The following SQLE variants were observed in gnomAD, a reference collection of about 807,000 sequenced individuals.
SQLE encodes squalene monooxygenase.
In SQLE, 29 loss-of-function variants were observed where a neutral mutation model predicts 60.7. The ratio of observed to expected loss-of-function variants is 0.48; its 90% CI spans 0.36 to 0.65. The LOEUF is 0.65. SQLE is among the 30% of genes least tolerant of loss of function. SQLE has a pLI of 0.00. For synonymous variants in SQLE, 237 were observed against 246.8 expected, an observed-to-expected ratio of 0.96 and a Z score of 0.37; for missense variants, 605 against 684.1, an observed-to-expected ratio of 0.88 and a Z score of 1.29.
chr8:125,009,027 A>G lies in SQLE; in HGVS notation c.879A>G (p.Lys293=), dbSNP rs1163037537. ...ATGGGCTTTTCTCCAAGTTCAGGAA[A>G]AGCCTGGTCTCCAATAAAGTTTCTG... ...VADGLFSKFR[K]SLVSNKVSVS... is the part of the protein sequence containing the mutation. Residue 293 remains lysine, a synonymous_variant, in exon 5 of 11, where the codon AAA becomes AAG. Transcript: ENST00000265896. 1 of 1,602,768 alleles carries G rather than the reference A, an allele frequency of 6.2e-7. No homozygotes were observed. Among genetic ancestry groups the G allele is most frequent in the Admixed American group, 1.7e-5 (1 of 58,182 alleles).
At chr8:125,019,480 G>GGCT (rs1554588428) in intron 9 of SQLE, among the ~76,000 whole-genome samples, 1 of 151,496 alleles carries the variant, frequency 6.6e-6, no homozygotes, top group Non-Finnish European at 1.5e-5. Flanking sequence ...AGCTATTTGG[G>GGCT]ACTATATAGC....
chr8:125,019,578 A>G (rs1335394343), intron 9 of SQLE, among the ~76,000 whole-genome samples: 1 of 151,856 alleles, frequency 6.6e-6, no homozygotes, highest in Non-Finnish European at 1.5e-5. Context: ...CTTCTAAAAC[A>G]AACAAACAAA....
At chr8:125,000,236 A>G (rs561817273) in intron 1 of SQLE, among the ~76,000 whole-genome samples, 1 of 152,212 alleles carries the variant, frequency 6.6e-6, no homozygotes, top group African/African-American at 2.4e-5. Context: ...ATGTCCTAAC[A>G]TAAAGGCCAG....
At chr8:125,007,584 T>G in intron 4 of SQLE, 97 bp downstream of exon 4, 9 of 694,628 alleles carry the variant, frequency 1.3e-5, no homozygotes, top group Non-Finnish European at 1.9e-5. Flanking sequence ...GTTTACATGT[T>G]GAGTATCTCT....
rs769241614 is a variant in SQLE at position 125,005,511 on chromosome 8, C to T, written c.545-14C>T. On this transcript the variant is annotated splice_polypyrimidine_tract_variant and intron_variant, in intron 2 of 10. Transcript: ENST00000265896. ...TTAACAGAATTGATTGTTTTGAACT[C>T]GATTGCTTTGCAGATACAGTGGAAG... 8.4e-6 allele frequency: 13 copies of T among 1,554,656 alleles called. No individual in the cohort carries two copies. Among genetic ancestry groups the T allele is most frequent in the Non-Finnish European group, 1.1e-5 (13 of 1,143,092 alleles).
rs1234582255 is a variant in SQLE, at chr8:124,999,248, A to G, written c.-156A>G. On this transcript the variant is annotated 5_prime_UTR_variant, in exon 1 of 11. Coordinates refer to ENST00000265896, the MANE Select transcript of SQLE (RefSeq NM_003129.4). ...CACTAACTTTATATGATTTTTAAAA[A>G]CTGGTCTGATCGGACTTCTCGTCCT... The G allele has an allele frequency of 1.3e-5, 8 of 606,608 alleles. No individual in the cohort carries two copies. The highest frequency in any genetic ancestry group is 2.0e-5 in the Non-Finnish European group (8 of 409,832). The allele number at this position is 606,608 out of a possible 1,614,324, so 37.6% of individuals were successfully genotyped here. A position where few individuals can be genotyped will look rare whatever the true frequency, so the allele number is the denominator to read the frequency against.
intron 10 of SQLE, among the ~76,000 whole-genome samples, chr8:125,021,365 T>C (rs1815201190): frequency 6.6e-6 from 1 of 152,104 alleles, no homozygotes; most frequent in Admixed American, 6.6e-5. Flanking sequence ...TTAATACTGA[T>C]ATTTTTAAAA....
intron 3 of SQLE, 107 bp downstream of exon 3, chr8:125,005,812 T>A: frequency 1.1e-6 from 1 of 878,642 alleles, no homozygotes; most frequent in Non-Finnish European, 1.6e-6. Flanking sequence ...TGGGGCATAG[T>A]CTAGAACATA....
chr8:125,000,091 G>A (rs1430153400), intron 1 of SQLE: 1 of 461,256 alleles, frequency 2.2e-6, no homozygotes, highest in East Asian at 6.8e-5. Context: ...CTGCTTGTAA[G>A]AAGTGACAGC....
At chr8:125,000,965 A>G (rs948307396) in intron 1 of SQLE, among the ~76,000 whole-genome samples, 3 of 152,156 alleles carry the variant, frequency 2.0e-5, no homozygotes, top group Non-Finnish European at 4.4e-5. Flanking sequence ...TTAGACGGGA[A>G]TGGCACCACC....
intron 2 of SQLE, among the ~76,000 whole-genome samples, chr8:125,004,902 GATTCTGATGA>G (rs1169018643): frequency 6.6e-6 from 1 of 152,036 alleles, no homozygotes; most frequent in Non-Finnish European, 1.5e-5. Flanking sequence ...GTTTTTACAT[GATTCTGATGA>G]ATTCAGTGTT....
chr8:125,011,534 C>T lies in SQLE; in HGVS notation c.1109-3C>T, dbSNP rs1328800258. ...TTCTTTGGGTTGGTGGGATTTATTG[C>T]AGATCACCTGAAAGAACCATTCTTA... On this transcript the variant is annotated splice_polypyrimidine_tract_variant and splice_region_variant and intron_variant, in intron 6 of 10. Transcript: ENST00000265896. 7.0e-6 allele frequency: 11 copies of T among 1,572,946 alleles called. No homozygotes were observed. The highest frequency in any genetic ancestry group is 1.7e-4 in the Middle Eastern group (1 of 6,034).
At chr8:125,017,149 A>G (rs915849926) in intron 7 of SQLE, among the ~76,000 whole-genome samples, 3 of 152,004 alleles carry the variant, frequency 2.0e-5, no homozygotes, top group Admixed American at 2.0e-4. Context: ...CTCAAGACTC[A>G]AGAGCTCTAC....
chr8:125,021,679 T>G, intron 10 of SQLE, 74 bp from the exon 11 acceptor site: 1 of 1,080,788 alleles, frequency 9.3e-7, no homozygotes, highest in Non-Finnish European at 1.3e-6. Context: ...GCTTCGTAGA[T>G]TATATGTAAT....
Position 125,021,958 on chromosome 8 carries a change from AC to A in SQLE, c.*15del, listed in dbSNP as rs1815215780. 9.6e-6 allele frequency: 15 copies of A among 1,563,278 alleles called. No individual in the cohort carries two copies. Among genetic ancestry groups the A allele is most frequent in the Non-Finnish European group, 1.3e-5 (15 of 1,150,020 alleles). Reference sequence around the variant, plus strand: ...TATGGTTCATTAAGCTTAAAGGGGAACCATTTGTGAATGAATATTTGGAACT... The same window carrying A: ...TATGGTTCATTAAGCTTAAAGGGGAACATTTGTGAATGAATATTTGGAACT... On this transcript the variant is annotated 3_prime_UTR_variant, in exon 11 of 11. Coordinates refer to ENST00000265896, the MANE Select transcript of SQLE (RefSeq NM_003129.4).
At chr8:125,005,070 T>C (rs576989288) in intron 2 of SQLE, among the ~76,000 whole-genome samples, 15 of 152,304 alleles carry the variant, frequency 9.8e-5, no homozygotes, top group African/African-American at 3.6e-4. Flanking sequence ...CTTTTTCATA[T>C]ATTCAGTCAT....
At chr8:125,019,885 C>G (rs936507309) in intron 9 of SQLE, among the ~76,000 whole-genome samples, 1 of 151,888 alleles carries the variant, frequency 6.6e-6, no homozygotes, top group African/African-American at 2.4e-5. Context: ...AAAACCCCAC[C>G]AATCTCACTG....
Position 125,000,019 on chromosome 8 carries a change from G to C in SQLE, c.291+325G>C, listed in dbSNP as rs746060699. 7.9e-6 allele frequency: 4 copies of C among 504,076 alleles called. No individual in the cohort carries two copies. In the Admixed American group the frequency reaches 9.1e-5, roughly 12 times the overall value. 31.2% of individuals were successfully genotyped at this position (504,076 alleles called of 1,614,324 possible). A position where few individuals can be genotyped will look rare whatever the true frequency, so the allele number is the denominator to read the frequency against. On this transcript the variant is annotated intron_variant, in intron 1 of 10. Coordinates refer to ENST00000265896, the MANE Select transcript of SQLE (RefSeq NM_003129.4). ...TCCATGATGAAAAAGTTTTTAAAAA[G>C]TTCTTGGGTAAGGATTGGATTTGTG...
Position 125,011,536 on chromosome 8 carries a change from G to A in SQLE, c.1109-1G>A. 6.4e-7 allele frequency: 1 copy of A among 1,574,462 alleles called. No homozygotes were observed. Among genetic ancestry groups the A allele is most frequent in the Non-Finnish European group, 8.6e-7 (1 of 1,158,168 alleles). ...CTTTGGGTTGGTGGGATTTATTGCA[G>A]ATCACCTGAAAGAACCATTCTTAGA... On this transcript the variant is annotated splice_acceptor_variant, in intron 6 of 10. Transcript: ENST00000265896. LOFTEE classifies it high-confidence loss of function.
Sources: allele counts gnomAD v4.1 joint callset (sites outside exome capture counted in the v4.1 genomes callset), GRCh38; gene constraint gnomAD v4.1.1; transcripts MANE v1.5; gene names NCBI Gene and HGNC (gene_info 2026-07-23, HGNC 2026-07-21).